GUCY1A2: variants seen among roughly 807,000 people sequenced by gnomAD.
The protein encoded by GUCY1A2 is guanylate cyclase soluble subunit alpha-2.
In GUCY1A2, 27 loss-of-function variants were observed where a neutral mutation model predicts 63.5. The ratio of observed to expected loss-of-function variants is 0.43; its 90% CI spans 0.31 to 0.59. The LOEUF is 0.59. Ranked by LOEUF, GUCY1A2 falls within the 20% of genes least tolerant of loss-of-function variation. GUCY1A2 has a pLI of 0.11. For synonymous variants in GUCY1A2, 364 were observed against 343.5 expected, an observed-to-expected ratio of 1.06 and a Z score of -0.66; for missense variants, 768 against 913.3, an observed-to-expected ratio of 0.84 and a Z score of 2.05.
At chr11:106,730,622 G>A (rs992291580) in intron 6 of GUCY1A2, among the ~76,000 whole-genome samples, 3 of 152,086 alleles carry the variant, frequency 2.0e-5, no homozygotes, top group Non-Finnish European at 4.4e-5. Flanking sequence ...ATTCCTTTGG[G>A]TATATACCCA....
At chr11:106,779,587 A>G (rs1160575755) in intron 5 of GUCY1A2, among the ~76,000 whole-genome samples, 1 of 152,208 alleles carries the variant, frequency 6.6e-6, no homozygotes, top group Non-Finnish European at 1.5e-5. Flanking sequence ...CCAAGTTCCT[A>G]GAGCACAATC....
chr11:106,871,692 T>C (rs1378373770), intron 4 of GUCY1A2, among the ~76,000 whole-genome samples: 1 of 152,150 alleles, frequency 6.6e-6, no homozygotes, highest in Non-Finnish European at 1.5e-5. Flanking sequence ...GAAAATGAAA[T>C]GGACATATTT....
chr11:106,936,510 C>T (rs780247613), intron 4 of GUCY1A2: 27 of 497,592 alleles, frequency 5.4e-5, no homozygotes, highest in East Asian at 2.7e-4. Flanking sequence ...TGAAAACATA[C>T]GAATACTATA....
Position 106,749,188 on chromosome 11 carries a change from T to C in GUCY1A2, c.1836+27251A>G, listed in dbSNP as rs1387168108. Among the ~76,000 whole-genome samples, 5 of 152,212 alleles carry C rather than the reference T, an allele frequency of 3.3e-5. No individual in the cohort carries two copies. The East Asian group carries it at 9.6e-4, about 29-fold the overall frequency. Reference sequence around the variant, plus strand: ...CAGGTAGCCTAAATTTGCAGCAGGCTGTACCATCTAGGTTTGTGTAAGTGC... The same window carrying C: ...CAGGTAGCCTAAATTTGCAGCAGGCCGTACCATCTAGGTTTGTGTAAGTGC... On this transcript the variant is annotated intron_variant, in intron 6 of 7. Transcript: ENST00000526355.
At chr11:106,867,590 TTAATA>T (rs1217671326) in intron 4 of GUCY1A2, among the ~76,000 whole-genome samples, 2 of 152,010 alleles carry the variant, frequency 1.3e-5, no homozygotes, top group Non-Finnish European at 2.9e-5. Context: ...TATAACATAT[TTAATA>T]TAAGATGAAA....
intron 6 of GUCY1A2, among the ~76,000 whole-genome samples, chr11:106,751,575 T>C (rs1391162150): frequency 6.6e-6 from 1 of 152,166 alleles, no homozygotes; most frequent in African/African-American, 2.4e-5. Context: ...TGAGCTATGG[T>C]TCTTAAGAGA....
At chr11:106,722,842 G>A (rs944851358) in intron 6 of GUCY1A2, among the ~76,000 whole-genome samples, 15 of 151,598 alleles carry the variant, frequency 9.9e-5, no homozygotes, top group Non-Finnish European at 1.9e-4. Context: ...CAATTTTAAG[G>A]AATCCCTTTG....
intron 4 of GUCY1A2, among the ~76,000 whole-genome samples, chr11:106,884,438 A>T (rs910604312): frequency 6.6e-6 from 1 of 152,152 alleles, no homozygotes; most frequent in African/African-American, 2.4e-5. Context: ...AATAGCACGT[A>T]CAATGTCTCT....
chr11:106,796,598 C>T (rs1041703102), intron 5 of GUCY1A2, among the ~76,000 whole-genome samples: 5 of 152,034 alleles, frequency 3.3e-5, no homozygotes, highest in African/African-American at 7.2e-5. Context: ...TGTTGAATAT[C>T]GGCCCCCACT....
intron 4 of GUCY1A2, among the ~76,000 whole-genome samples, chr11:106,816,783 T>G (rs1457934509): frequency 6.6e-6 from 1 of 151,704 alleles, no homozygotes; most frequent in Non-Finnish European, 1.5e-5. Flanking sequence ...CTATAGATAA[T>G]ATAGACATTA....
At chr11:107,011,810 G>T (rs868536969) in intron 1 of GUCY1A2, among the ~76,000 whole-genome samples, 3 of 150,372 alleles carry the variant, frequency 2.0e-5, no homozygotes, top group African/African-American at 4.9e-5. Context: ...ACAAAAGAAA[G>T]CCTAGCAATT....
In GUCY1A2 at chr11:106,694,596, C is replaced by T. The variant is rs532075807; in HGVS notation, c.1992-6840G>A. Among the ~76,000 whole-genome samples the T allele has an allele frequency of 3.3e-5, 5 of 152,304 alleles. No homozygotes were observed. The South Asian group carries it at 6.2e-4, about 19-fold the overall frequency. On this transcript the variant is annotated intron_variant, in intron 7 of 7. Coordinates refer to ENST00000526355, the MANE Select transcript of GUCY1A2 (RefSeq NM_000855.3). The stretch of plus-strand genomic sequence containing the variant: ...GAAGCAGGCTCCAGTTTTTAGCTTC[C>T]TAAGTGTCAAGAAAATGGCCCAGTA...
At chr11:107,009,385 A>AAATG (rs768149690) in intron 1 of GUCY1A2, among the ~76,000 whole-genome samples, 2 of 152,186 alleles carry the variant, frequency 1.3e-5, no homozygotes, top group African/African-American at 2.4e-5. Context: ...AGCATTTGAG[A>AAATG]AATGTTGTGT....
chr11:106,760,849 A>T (rs1204312210), intron 6 of GUCY1A2, among the ~76,000 whole-genome samples: 1 of 152,208 alleles, frequency 6.6e-6, no homozygotes, highest in Admixed American at 6.5e-5. Context: ...TATATGAATA[A>T]TGAGAGGCTC....
intron 3 of GUCY1A2, among the ~76,000 whole-genome samples, chr11:106,940,511 C>T (rs1456232826): frequency 6.6e-6 from 1 of 152,182 alleles, no homozygotes; most frequent in East Asian, 1.9e-4. Flanking sequence ...CCGACACATG[C>T]ACAGCCTGCC....
rs1386786109 is a variant in GUCY1A2 at position 106,683,939 on chromosome 11, A to G, written c.*3610T>C. On this transcript the variant is annotated 3_prime_UTR_variant, in exon 8 of 8. Coordinates refer to ENST00000526355, the MANE Select transcript of GUCY1A2 (RefSeq NM_000855.3). ...CCTGGTGGGGTTTTCAGAATTCTCCATGGCTTTGCCTTTTGTTATCTATCA... is the reference window on the plus strand; with the variant it reads ...CCTGGTGGGGTTTTCAGAATTCTCCGTGGCTTTGCCTTTTGTTATCTATCA... 1 of 201,392 alleles carries G rather than the reference A, an allele frequency of 5.0e-6. No homozygotes were observed. The highest frequency in any genetic ancestry group is 1.0e-5 in the Non-Finnish European group (1 of 97,776). The allele number at this position is 201,392 out of a possible 1,614,324, so 12.5% of individuals were successfully genotyped here. A position where few individuals can be genotyped will look rare whatever the true frequency, so the allele number is the denominator to read the frequency against.
intron 4 of GUCY1A2, among the ~76,000 whole-genome samples, chr11:106,915,043 A>G: frequency 6.6e-6 from 1 of 152,190 alleles, no homozygotes; most frequent in Non-Finnish European, 1.5e-5. Flanking sequence ...AGACTTTTTC[A>G]GACAAACAAA....
intron 6 of GUCY1A2, among the ~76,000 whole-genome samples, chr11:106,714,103 A>T (rs1863175538): frequency 6.6e-6 from 1 of 152,078 alleles, no homozygotes; most frequent in Non-Finnish European, 1.5e-5. Context: ...TCCTTTCAAA[A>T]GACCTGAGGC....
chr11:106,826,966 C>T, intron 4 of GUCY1A2: 3 of 1,610,530 alleles, frequency 1.9e-6, no homozygotes, highest in Non-Finnish European at 2.5e-6. Context: ...AATGAAATCG[C>T]AGCCATATAT....
Sources: allele counts gnomAD v4.1 joint callset (sites outside exome capture counted in the v4.1 genomes callset), GRCh38; gene constraint gnomAD v4.1.1; transcripts MANE v1.5; gene names NCBI Gene and HGNC (gene_info 2026-07-23, HGNC 2026-07-21).